The following MB21D2 variants were observed in gnomAD, a reference collection of about 807,000 sequenced individuals.
The protein encoded by MB21D2 is Mab-21 domain containing 2, also known as nucleotidyltransferase MB21D2.
MB21D2 carries 9 observed loss-of-function variants against 33.3 expected under a neutral mutation model. The observed-to-expected ratio is 0.27, with a 90% CI of 0.16 to 0.47. The LOEUF is 0.47. Ranked by LOEUF, MB21D2 falls within the 20% of genes least tolerant of loss-of-function variation. The pLI is 0.99. For missense variants in MB21D2, 540 were observed against 624.6 expected (o/e 0.86, Z 1.44); for synonymous variants, 241 against 236.3 (o/e 1.02, Z -0.18).
chr3:192,879,909 A>T (rs1438281655), intron 1 of MB21D2, among the ~76,000 whole-genome samples: 1 of 152,150 alleles, frequency 6.6e-6, no homozygotes, highest in African/African-American at 2.4e-5. Flanking sequence ...GGAGTAGACA[A>T]GGAGAGGATG....
intron 1 of MB21D2, among the ~76,000 whole-genome samples, chr3:192,809,898 T>C (rs1340422559): frequency 1.3e-5 from 2 of 152,222 alleles, no homozygotes; most frequent in Admixed American, 1.3e-4. Context: ...ATCCCTGAAA[T>C]TCTTTCAGGC....
At chr3:192,826,878 T>C (rs1712183597) in intron 1 of MB21D2, among the ~76,000 whole-genome samples, 1 of 151,930 alleles carries the variant, frequency 6.6e-6, no homozygotes, top group African/African-American at 2.4e-5. Context: ...TTGGCTTCAA[T>C]TGTTTTCCCT....
rs778758786 is a variant in MB21D2 at position 192,798,378 on chromosome 3, G to A, written c.*8C>T. Reference sequence around the variant, plus strand: ...TAAGAATCAGGAAAAAAAAAAGTCAGCTAACACTCAGAAAAATTTGTCATC... The same window carrying A: ...TAAGAATCAGGAAAAAAAAAAGTCAACTAACACTCAGAAAAATTTGTCATC... On this transcript the variant is annotated 3_prime_UTR_variant, in exon 2 of 2. Coordinates refer to ENST00000392452, the MANE Select transcript of MB21D2 (RefSeq NM_178496.4). This position sits in a 1 kb window ranked among gnomAD's most constrained non-coding sequence, Gnocchi z 4.8. 1.3e-5 allele frequency: 21 copies of A among 1,612,374 alleles called. No individual in the cohort carries two copies. The highest frequency in any genetic ancestry group is 1.7e-5 in the Non-Finnish European group (20 of 1,178,700).
At chr3:192,916,599 C>T (rs965949108) in intron 1 of MB21D2, among the ~76,000 whole-genome samples, 4 of 152,260 alleles carry the variant, frequency 2.6e-5, no homozygotes, top group Admixed American at 2.0e-4. Flanking sequence ...TTGACAGCCA[C>T]GGATCCGCTG....
chr3:192,832,036 G>A (rs960777769), intron 1 of MB21D2, among the ~76,000 whole-genome samples: 2 of 152,130 alleles, frequency 1.3e-5, no homozygotes, highest in Non-Finnish European at 2.9e-5. Context: ...AAAAAAAACA[G>A]TCAAGGAGAA....
chr3:192,842,087 G>A (rs554479882), intron 1 of MB21D2, among the ~76,000 whole-genome samples: 12 of 150,930 alleles, frequency 8.0e-5, no homozygotes, highest in South Asian at 2.1e-4. Context: ...GGCGCCACTC[G>A]GGGGGCATAT....
At chr3:192,800,953 G>A (rs569071356) in intron 1 of MB21D2, among the ~76,000 whole-genome samples, 1 of 152,306 alleles carries the variant, frequency 6.6e-6, no homozygotes, top group African/African-American at 2.4e-5. Context: ...CCATGAGCGT[G>A]ACATCTTCTC....
intron 1 of MB21D2, among the ~76,000 whole-genome samples, chr3:192,889,177 G>A (rs905699930): frequency 6.6e-6 from 1 of 152,088 alleles, no homozygotes; most frequent in African/African-American, 2.4e-5. Flanking sequence ...GTTAGTTCAG[G>A]CAGGCAGAGA....
intron 1 of MB21D2, among the ~76,000 whole-genome samples, chr3:192,864,370 T>C (rs1713121694): frequency 6.6e-6 from 1 of 152,208 alleles, no homozygotes; most frequent in Admixed American, 6.5e-5. Context: ...CTCTTTTTAA[T>C]GTTATCATCA....
intron 1 of MB21D2, among the ~76,000 whole-genome samples, chr3:192,913,331 G>A (rs1486638553): frequency 6.6e-6 from 1 of 152,192 alleles, no homozygotes; most frequent in East Asian, 1.9e-4. Context: ...CCAGGAAGTA[G>A]AGGTTGCAGT....
At chr3:192,868,383 A>G (rs979742389) in intron 1 of MB21D2, among the ~76,000 whole-genome samples, 1 of 152,262 alleles carries the variant, frequency 6.6e-6, no homozygotes, top group Admixed American at 6.5e-5. Flanking sequence ...AGTGGGAGAC[A>G]GAGCCAAGTA....
chr3:192,882,209 TC>T lies in MB21D2; in HGVS notation c.211+35420del, dbSNP rs1295401358. Among the ~76,000 whole-genome samples the T allele has an allele frequency of 2.6e-5, 4 of 152,110 alleles. No homozygotes were observed. In the East Asian group the frequency reaches 7.8e-4, roughly 29 times the overall value. ...GGCACAATCTTGGCTCACTGCAACC[TC>T]CACCTCCTGGGTTCAAGCGATTCTC... On this transcript the variant is annotated intron_variant, in intron 1 of 1. Coordinates refer to ENST00000392452, the MANE Select transcript of MB21D2 (RefSeq NM_178496.4).
intron 1 of MB21D2, among the ~76,000 whole-genome samples, chr3:192,901,627 A>C (rs751040965): frequency 2.0e-5 from 3 of 152,174 alleles, no homozygotes; most frequent in Non-Finnish European, 2.9e-5. Context: ...TGCCCTCGGA[A>C]AGCAGGAAAG....
rs191282116 is a variant in MB21D2, at chr3:192,824,124, C to G, written c.212-24474G>C. On this transcript the variant is annotated intron_variant, in intron 1 of 1. Transcript: ENST00000392452. ...GAAGGAAGAATTTAGGACCTCACCC[C>G]TTAAAACCATGTTATCCATCTTCCC... 9.9e-5 allele frequency among the ~76,000 whole-genome samples: 15 copies of G among 152,282 alleles called. No individual in the cohort carries two copies. The East Asian group carries it at 2.3e-3, about 24-fold the overall frequency.
intron 1 of MB21D2, among the ~76,000 whole-genome samples, chr3:192,872,205 G>A (rs1713319516): frequency 1.3e-5 from 2 of 152,278 alleles, no homozygotes; most frequent in South Asian, 4.1e-4. Flanking sequence ...GGTAAACAGA[G>A]ACCAACCAAA....
At chr3:192,830,096 C>A (rs1429775731) in intron 1 of MB21D2, among the ~76,000 whole-genome samples, 2 of 152,130 alleles carry the variant, frequency 1.3e-5, no homozygotes, top group Non-Finnish European at 2.9e-5. Context: ...AAGCCATCCT[C>A]CCACCTCGGC....
At chr3:192,848,955 G>A (rs908838035) in intron 1 of MB21D2, among the ~76,000 whole-genome samples, 2 of 152,136 alleles carry the variant, frequency 1.3e-5, no homozygotes, top group Admixed American at 6.5e-5. Flanking sequence ...ACTTGACAGC[G>A]TAACCCTGGA....
intron 1 of MB21D2, among the ~76,000 whole-genome samples, chr3:192,908,984 G>A (rs866420363): frequency 5.4e-4 from 82 of 151,998 alleles, no homozygotes; most frequent in African/African-American, 1.9e-3. Context: ...GGCCGGGCAC[G>A]GTGGCTCACG....
intron 1 of MB21D2, among the ~76,000 whole-genome samples, chr3:192,880,600 G>C (rs770000523): frequency 6.6e-6 from 1 of 152,098 alleles, no homozygotes; most frequent in Non-Finnish European, 1.5e-5. Context: ...GGAAAAGCAC[G>C]GCCTAGGGCG....
Sources: allele counts gnomAD v4.1 joint callset (sites outside exome capture counted in the v4.1 genomes callset), GRCh38; gene constraint gnomAD v4.1.1; non-coding constraint Gnocchi (gnomAD v3.1); transcripts MANE v1.5; gene names NCBI Gene and HGNC (gene_info 2026-07-23, HGNC 2026-07-21).